PCDHGA2: variants seen among roughly 807,000 people sequenced by gnomAD.
The protein encoded by PCDHGA2 is protocadherin gamma-A2.
A neutral mutation model predicts 59.2 loss-of-function variants in PCDHGA2; 40 were observed. That is an observed-to-expected ratio of 0.68 (90% CI 0.52 to 0.88). The LOEUF is 0.88. Ranked by LOEUF, PCDHGA2 falls within the 40% of genes least tolerant of loss-of-function variation. The probability of loss-of-function intolerance (pLI) is 0.00; values close to 1 mark genes in which losing one functional copy is unlikely to be tolerated. For missense variants in PCDHGA2, 1,226 were observed against 1,204.0 expected (o/e 1.02, Z -0.27); for synonymous variants, 560 against 526.0 (o/e 1.06, Z -0.89).
intron 1 of PCDHGA2, chr5:141,392,568 T>G: frequency 2.3e-6 from 1 of 442,486 alleles, no homozygotes; most frequent in South Asian, 4.4e-5. Flanking sequence ...CAGTAACTAT[T>G]TAGGACTGTA....
Position 141,420,935 on chromosome 5 carries a change from A to G in PCDHGA2, c.2425-73872A>G, listed in dbSNP as rs542779087. ...GTGATTCACAAAGGTGAGCGTAATCATTTCTTCTGGAATTTCTTAGTCGTT... is the reference window on the plus strand; with the variant it reads ...GTGATTCACAAAGGTGAGCGTAATCGTTTCTTCTGGAATTTCTTAGTCGTT... On this transcript the variant is annotated intron_variant, in intron 1 of 3. Coordinates refer to ENST00000394576, the MANE Select transcript of PCDHGA2 (RefSeq NM_018915.4). 2.6e-5 allele frequency: 10 copies of G among 380,486 alleles called. 1 individual carries two copies. Among genetic ancestry groups the G allele is most frequent in the African/African-American group, 1.7e-4 (8 of 47,720 alleles). The allele number at this position is 380,486 out of a possible 1,614,324, so 23.6% of individuals were successfully genotyped here.
In PCDHGA2 at chr5:141,477,836, G is replaced by T. The variant is rs1344676631; in HGVS notation, c.2425-16971G>T. On this transcript the variant is annotated intron_variant, in intron 1 of 3. Transcript: ENST00000394576. This position sits in a 1 kb window ranked among gnomAD's most constrained non-coding sequence, Gnocchi z 4.9. ...CCAGGTCCTATATCCTCGGCCAGGT[G>T]GGAGCTCGGTGGAGATGCTGCCTCG... The T allele has an allele frequency of 1.2e-6, 2 of 1,613,952 alleles. No individual in the cohort carries two copies. Among genetic ancestry groups the T allele is most frequent in the Non-Finnish European group, 1.7e-6 (2 of 1,180,012 alleles).
intron 1 of PCDHGA2, chr5:141,388,978 C>G: frequency 6.2e-7 from 1 of 1,613,972 alleles, no homozygotes; most frequent in Non-Finnish European, 8.5e-7. Flanking sequence ...ACACATATTG[C>G]TTTGCTCAAA....
intron 1 of PCDHGA2, among the ~76,000 whole-genome samples, chr5:141,359,452 A>G (rs1417222684): frequency 6.6e-6 from 1 of 151,658 alleles, no homozygotes; most frequent in Non-Finnish European, 1.5e-5. Context: ...TTTAGCAAAT[A>G]ACAATTTTGA....
intron 1 of PCDHGA2, among the ~76,000 whole-genome samples, chr5:141,444,476 C>A (rs1228271706): frequency 6.6e-6 from 1 of 152,088 alleles, no homozygotes; most frequent in Non-Finnish European, 1.5e-5. Flanking sequence ...CGGTCGCGTA[C>A]TGGATTTATA....
chr5:141,475,300 T>C (rs1383092136), intron 1 of PCDHGA2, among the ~76,000 whole-genome samples: 3 of 152,332 alleles, frequency 2.0e-5, no homozygotes, highest in South Asian at 2.1e-4. Context: ...AATTTCTTAT[T>C]GCTCCCTGGT....
At chr5:141,421,030 G>C (rs989158485) in intron 1 of PCDHGA2, 2 of 532,352 alleles carry the variant, frequency 3.8e-6, no homozygotes, top group African/African-American at 3.9e-5. Context: ...GCGCCATTGA[G>C]TCCCTCCCTC....
intron 3 of PCDHGA2, among the ~76,000 whole-genome samples, chr5:141,509,568 C>T (rs535982453): frequency 3.3e-5 from 5 of 152,336 alleles, no homozygotes; most frequent in Admixed American, 2.0e-4. Flanking sequence ...GCAGCCTTCA[C>T]AGTGCGTACA....
chr5:141,368,483 A>G (rs1235581862), intron 1 of PCDHGA2, among the ~76,000 whole-genome samples: 1 of 152,210 alleles, frequency 6.6e-6, no homozygotes. Context: ...GAGTAACAAG[A>G]GAATCTATAC....
chr5:141,360,930 A>T, intron 1 of PCDHGA2: 1 of 1,614,028 alleles, frequency 6.2e-7, no homozygotes, highest in East Asian at 2.2e-5. Flanking sequence ...TTCAAGTGAC[A>T]GCCACCGACC....
intron 1 of PCDHGA2, chr5:141,424,031 T>G (rs2096796228): frequency 1.9e-6 from 2 of 1,036,050 alleles, no homozygotes; most frequent in African/African-American, 3.4e-5. Flanking sequence ...AAACACTTTT[T>G]ATTTCCATTT....
intron 1 of PCDHGA2, chr5:141,399,634 A>C: frequency 6.2e-7 from 1 of 1,613,860 alleles, no homozygotes; most frequent in East Asian, 2.2e-5. Context: ...TTACGTGTCC[A>C]TGAGCGCGCA....
chr5:141,510,656 A>C (rs761093897), intron 3 of PCDHGA2, among the ~76,000 whole-genome samples: 4 of 152,304 alleles, frequency 2.6e-5, no homozygotes, highest in Non-Finnish European at 5.9e-5. Flanking sequence ...CCCATTTTGC[A>C]GATGAGAAAA....
intron 1 of PCDHGA2, among the ~76,000 whole-genome samples, chr5:141,452,137 GT>G (rs2098734666): frequency 6.6e-6 from 1 of 152,044 alleles, no homozygotes; most frequent in Non-Finnish European, 1.5e-5. Flanking sequence ...TGGCTCATGT[GT>G]TTTTTCCAAT....
At chr5:141,472,980 CAAA>C (rs60579131) in intron 1 of PCDHGA2, among the ~76,000 whole-genome samples, 10 of 86,092 alleles carry the variant, frequency 1.2e-4, no homozygotes, top group Non-Finnish European at 1.2e-4. Context: ...GAGTGAAACT[CAAA>C]AAAAAAAAAA....
intron 1 of PCDHGA2, chr5:141,403,720 C>G (rs1266419119): frequency 1.2e-6 from 2 of 1,613,874 alleles, no homozygotes; most frequent in Middle Eastern, 1.6e-4. Context: ...AGAACGTGCC[C>G]CCAGGCACCT....
chr5:141,386,056 A>C (rs2090445356), intron 1 of PCDHGA2: 1 of 152,214 alleles, frequency 6.6e-6, no homozygotes, highest in South Asian at 2.1e-4. Flanking sequence ...TTTAACAGAG[A>C]ATTCCAGTAT....
intron 1 of PCDHGA2, chr5:141,409,439 G>C: frequency 6.2e-7 from 1 of 1,613,998 alleles, no homozygotes; most frequent in Non-Finnish European, 8.5e-7. Flanking sequence ...CCTGGACCGA[G>C]AGCAGACACC....
In PCDHGA2 at chr5:141,415,516, G is replaced by T. The variant is rs199990575; in HGVS notation, c.2424+74121G>T. The T allele has an allele frequency of 1.9e-6, 3 of 1,614,220 alleles. No individual in the cohort carries two copies. In the African/African-American group the frequency reaches 4.0e-5, roughly 22 times the overall value. ...GATCTTCCCCCAGCCCAATTATGCG[G>T]ACACGCTCATCAGCCAGGAGAGCTG... On this transcript the variant is annotated intron_variant, in intron 1 of 3. Coordinates refer to ENST00000394576, the MANE Select transcript of PCDHGA2 (RefSeq NM_018915.4).
Sources: gnomAD v4.1 joint callset for allele counts (sites outside exome capture counted in the v4.1 genomes callset) on GRCh38, gnomAD v4.1.1 for gene constraint, Gnocchi (gnomAD v3.1) non-coding constraint, MANE v1.5 for transcripts, NCBI Gene and HGNC (gene_info 2026-07-23, HGNC 2026-07-21) for gene names.